Variants in RCAN1 observed in about 807,000 individuals in gnomAD.
The protein encoded by RCAN1 is calcipressin-1.
A neutral mutation model predicts 22.9 loss-of-function variants in RCAN1; 11 were observed. The observed-to-expected ratio is 0.48, with a 90% CI of 0.30 to 0.79. The LOEUF (loss-of-function observed/expected upper bound fraction) is 0.79. Ranked by LOEUF, RCAN1 falls within the 30% of genes least tolerant of loss-of-function variation. The pLI, the probability that RCAN1 is intolerant of heterozygous loss-of-function variation, is 0.06. For synonymous variants in RCAN1, 136 were observed against 142.3 expected (o/e 0.96, Z 0.32); for missense variants, 291 against 337.8 (o/e 0.86, Z 1.09).
At chr21:34,590,338 ATTGCTTTGTT>A (rs1399302218) in intron 1 of RCAN1, among the ~76,000 whole-genome samples, 1 of 152,252 alleles carries the variant, frequency 6.6e-6, no homozygotes, top group Admixed American at 6.5e-5. Context: ...GAGCAAAGAT[ATTGCTTTGTT>A]TTCCCCTGGG....
chr21:34,516,482 A>C lies in RCAN1; in HGVS notation c.*1602T>G, dbSNP rs1214365578. The C allele has an allele frequency of 6.6e-6, 1 of 152,216 alleles. No homozygotes were observed. The highest frequency in any genetic ancestry group is 6.5e-5 in the Admixed American group (1 of 15,274). The allele number at this position is 152,216 out of a possible 1,614,324, so 9.4% of individuals were successfully genotyped here. A position where few individuals can be genotyped will look rare whatever the true frequency, so the allele number is the denominator to read the frequency against. On this transcript the variant is annotated 3_prime_UTR_variant, in exon 4 of 4. Transcript: ENST00000313806. ...GATTTATTCTAGAAATAAAATGACAACTTTTCTGTAAGGAGCATACTGTGC... is the reference window on the plus strand; with the variant it reads ...GATTTATTCTAGAAATAAAATGACACCTTTTCTGTAAGGAGCATACTGTGC...
chr21:34,561,715 T>G (rs1184146627), intron 1 of RCAN1, among the ~76,000 whole-genome samples: 1 of 152,208 alleles, frequency 6.6e-6, no homozygotes, highest in Non-Finnish European at 1.5e-5. Flanking sequence ...AAAGAGAAGC[T>G]AAACATGAAT....
intron 1 of RCAN1, among the ~76,000 whole-genome samples, chr21:34,562,136 C>A (rs1740283900): frequency 6.6e-6 from 1 of 152,170 alleles, no homozygotes; most frequent in Non-Finnish European, 1.5e-5. Context: ...TCCATGAATT[C>A]CATTATGAAG....
chr21:34,604,576 G>A (rs149460337), intron 1 of RCAN1, among the ~76,000 whole-genome samples: 5 of 152,348 alleles, frequency 3.3e-5, no homozygotes, highest in Admixed American at 6.5e-5. Context: ...AACAGGGTAC[G>A]GGTGTAAGCC....
chr21:34,547,847 C>T lies in RCAN1; in HGVS notation c.253-24137G>A, dbSNP rs966020698. 5.3e-5 allele frequency among the ~76,000 whole-genome samples: 8 copies of T among 152,284 alleles called. No homozygotes were observed. The South Asian group carries it at 1.7e-3, about 32-fold the overall frequency. On this transcript the variant is annotated intron_variant, in intron 1 of 3. Coordinates refer to ENST00000313806, the MANE Select transcript of RCAN1 (RefSeq NM_004414.7). ...CTTTTCAGCTTCCAGAACCGCAAAC[C>T]AAATAAATCTCTTTTATTTATAAGT...
At chr21:34,546,183 A>G (rs943491033) in intron 1 of RCAN1, among the ~76,000 whole-genome samples, 3 of 152,216 alleles carry the variant, frequency 2.0e-5, no homozygotes, top group Non-Finnish European at 4.4e-5. Flanking sequence ...GTGACTTAGA[A>G]AATGGCGAGA....
At chr21:34,549,125 G>A (rs757713921) in intron 1 of RCAN1, among the ~76,000 whole-genome samples, 6 of 152,026 alleles carry the variant, frequency 3.9e-5, no homozygotes, top group Non-Finnish European at 7.4e-5. Context: ...TCCATCCCAC[G>A]TGATGAAAGA....
At chr21:34,563,804 G>T (rs1419664875) in intron 1 of RCAN1, among the ~76,000 whole-genome samples, 11 of 140,660 alleles carry the variant, frequency 7.8e-5, no homozygotes, top group East Asian at 2.0e-4. Flanking sequence ...TAGAGAGAGA[G>T]AGAGAGAGAG....
intron 1 of RCAN1, among the ~76,000 whole-genome samples, chr21:34,558,807 C>G (rs1379391603): frequency 1.3e-5 from 2 of 152,150 alleles, no homozygotes; most frequent in African/African-American, 4.8e-5. Flanking sequence ...TGGATCTCGC[C>G]CTGTCTGTCG....
At chr21:34,551,672 C>T (rs534449962) in intron 1 of RCAN1, among the ~76,000 whole-genome samples, 40 of 152,266 alleles carry the variant, frequency 2.6e-4, no homozygotes, top group Non-Finnish European at 4.7e-4. Context: ...GTCTCCCAAA[C>T]CTTTGTTCAT....
intron 1 of RCAN1, among the ~76,000 whole-genome samples, chr21:34,547,783 G>A (rs1986206640): frequency 6.6e-6 from 1 of 152,190 alleles, no homozygotes; most frequent in Admixed American, 6.5e-5. Context: ...CTTCTGCCAT[G>A]CGATGACCCT....
chr21:34,536,910 G>T (rs56655934), intron 1 of RCAN1, among the ~76,000 whole-genome samples: 5,701 of 152,250 alleles, frequency 0.037, 164 homozygotes, highest in East Asian at 0.14. Context: ...CCAAGTGCTG[G>T]GAGAAAAGTG....
intron 1 of RCAN1, among the ~76,000 whole-genome samples, chr21:34,595,412 C>T (rs540380616): frequency 8.5e-5 from 13 of 152,310 alleles, no homozygotes; most frequent in South Asian, 4.1e-4. Context: ...AAGCAACACC[C>T]GCAGAAAGAA....
At chr21:34,526,937 C>T (rs1012459725) in intron 1 of RCAN1, 4 of 1,405,678 alleles carry the variant, frequency 2.8e-6, no homozygotes, top group Non-Finnish European at 2.8e-6. Context: ...ATTCCTGAGT[C>T]AAGTCCTGCA....
At chr21:34,548,708 T>C (rs1986241612) in intron 1 of RCAN1, among the ~76,000 whole-genome samples, 1 of 152,226 alleles carries the variant, frequency 6.6e-6, no homozygotes, top group African/African-American at 2.4e-5. Flanking sequence ...GAAAACATTA[T>C]TCATGATAAT....
At chr21:34,545,142 G>C (rs995374788) in intron 1 of RCAN1, among the ~76,000 whole-genome samples, 1 of 152,174 alleles carries the variant, frequency 6.6e-6, no homozygotes, top group South Asian at 2.1e-4. Flanking sequence ...TAAACCAAGA[G>C]GCAAAAGCAA....
In RCAN1 at chr21:34,614,751, G is replaced by C; in HGVS notation, c.252+9C>G. 7.0e-7 allele frequency: 1 copy of C among 1,421,624 alleles called. No homozygotes were observed. The allele number at this position is 1,421,624 out of a possible 1,614,324, so 88.1% of individuals were successfully genotyped here. Reference sequence around the variant, plus strand: ...TCCGCCCCGACGGCCCGCCCGGCGCGGTCCTCACCCGGCACAGGCCGTCCA... The same window carrying C: ...TCCGCCCCGACGGCCCGCCCGGCGCCGTCCTCACCCGGCACAGGCCGTCCA... On this transcript the variant is annotated intron_variant, in intron 1 of 3. Transcript: ENST00000313806. This position sits in a 1 kb window ranked among gnomAD's most constrained non-coding sequence, Gnocchi z 6.0.
At chr21:34,613,948 C>G (rs1436052791) in intron 1 of RCAN1, 1 of 1,003,386 alleles carries the variant, frequency 1.0e-6, no homozygotes, top group African/African-American at 1.7e-5. Context: ...CATTCTGTGA[C>G]GCCCACGTTG....
At chr21:34,601,986 T>C (rs1034681294) in intron 1 of RCAN1, among the ~76,000 whole-genome samples, 9 of 151,856 alleles carry the variant, frequency 5.9e-5, no homozygotes, top group South Asian at 2.1e-4. Context: ...CTAAAGAAAA[T>C]AGATGCACAG....
Sources: allele counts gnomAD v4.1 joint callset (sites outside exome capture counted in the v4.1 genomes callset), GRCh38; gene constraint gnomAD v4.1.1; non-coding constraint Gnocchi (gnomAD v3.1); transcripts MANE v1.5; gene names NCBI Gene and HGNC (gene_info 2026-07-23, HGNC 2026-07-21).